The following NHSL1 variants were observed in gnomAD, a reference collection of about 807,000 sequenced individuals.
NHSL1 encodes the protein NHS like 1.
In NHSL1, 48 loss-of-function variants were observed where a neutral mutation model predicts 95.0. The ratio of observed to expected loss-of-function variants is 0.51; its 90% CI spans 0.40 to 0.64. The LOEUF is 0.64. Among genes scored for constraint, NHSL1 ranks in the 30% least tolerant of loss-of-function variants. The pLI is 0.00. For synonymous variants in NHSL1, 783 were observed against 833.9 expected (o/e 0.94, Z 1.05); for missense variants, 1,971 against 2,077.7 (o/e 0.95, Z 1.00).
chr6:138,574,463 C>A (rs1783931892), upstream of NHSL1, among the ~76,000 whole-genome samples: 1 of 152,088 alleles, frequency 6.6e-6, no homozygotes, highest in Non-Finnish European at 1.5e-5. Flanking sequence ...CTCAAAGGAG[C>A]CATGGAACCC....
chr6:138,568,733 G>A (rs978990843), intron 1 of NHSL1, among the ~76,000 whole-genome samples: 3 of 152,050 alleles, frequency 2.0e-5, no homozygotes, highest in African/African-American at 7.2e-5. Flanking sequence ...TTTAAGCTGA[G>A]GAACAGTAGT....
intron 1 of NHSL1, among the ~76,000 whole-genome samples, chr6:138,660,822 G>A (rs916755171): frequency 1.4e-4 from 21 of 151,612 alleles, no homozygotes; most frequent in African/African-American, 4.6e-4. Context: ...GGCTGGGCAC[G>A]ATGGCTCATG....
chr6:138,566,293 G>T (rs571989056), intron 1 of NHSL1, among the ~76,000 whole-genome samples: 3 of 152,128 alleles, frequency 2.0e-5, no homozygotes, highest in Admixed American at 2.0e-4. Context: ...AGCTACCCAG[G>T]AGGCTGAGGC....
upstream of NHSL1, among the ~76,000 whole-genome samples, chr6:138,574,073 G>A (rs567876355): frequency 3.9e-5 from 6 of 152,082 alleles, no homozygotes; most frequent in South Asian, 1.2e-3. Flanking sequence ...GACCACAGGC[G>A]CCTGCCACCA....
upstream of NHSL1, among the ~76,000 whole-genome samples, chr6:138,577,043 T>C (rs1562380777): frequency 6.6e-6 from 1 of 152,194 alleles, no homozygotes; most frequent in African/African-American, 2.4e-5. Context: ...GCCCATGAAT[T>C]TGGAAAGATT....
rs1322434390 is a variant in NHSL1 at position 138,429,898 on chromosome 6, T to C, written c.3953-55A>G. ...GCACAAGTGACTGGAATTTCAGTCC[T>C]CAGCCAAGCTTCTAAATATGCTGCT... is the stretch of plus-strand genomic sequence containing the variant. On this transcript the variant is annotated intron_variant, in intron 6 of 7. Transcript: ENST00000343505. 3 of 1,505,048 alleles carry C rather than the reference T, an allele frequency of 2.0e-6. No individual in the cohort carries two copies. The African/African-American group carries it at 4.2e-5, about 21-fold the overall frequency. The allele number at this position is 1,505,048 out of a possible 1,614,324, so 93.2% of individuals were successfully genotyped here. A position where few individuals can be genotyped will look rare whatever the true frequency, so the allele number is the denominator to read the frequency against.
At chr6:138,657,101 C>T (rs954930590) in intron 1 of NHSL1, among the ~76,000 whole-genome samples, 2 of 152,054 alleles carry the variant, frequency 1.3e-5, no homozygotes, top group Admixed American at 6.5e-5. Context: ...GGAATGCTTT[C>T]ACCTGCAACA....
chr6:138,553,300 A>T (rs553745894), intron 1 of NHSL1, among the ~76,000 whole-genome samples: 1 of 152,284 alleles, frequency 6.6e-6, no homozygotes, highest in East Asian at 1.9e-4. Flanking sequence ...TCTGGAATGC[A>T]GCCCTTACCC....
At chr6:138,484,449 A>G (rs767365006) in intron 2 of NHSL1, among the ~76,000 whole-genome samples, 1 of 152,222 alleles carries the variant, frequency 6.6e-6, no homozygotes, top group Admixed American at 6.5e-5. Context: ...TACAATTTAC[A>G]TTGTATATTT....
At position 138,430,388 on chromosome 6, in the gene NHSL1, C is replaced by G; in HGVS notation, c.3952+5G>C. 6.9e-7 allele frequency: 1 copy of G among 1,453,820 alleles called. No individual in the cohort carries two copies. The highest frequency in any genetic ancestry group is 1.5e-5 in the South Asian group (1 of 66,606). 90.1% of individuals were successfully genotyped at this position (1,453,820 alleles called of 1,614,324 possible). A position where few individuals can be genotyped will look rare whatever the true frequency, so the allele number is the denominator to read the frequency against. The stretch of plus-strand genomic sequence containing the variant: ...AGGAGAGAGAAGCCAGGAAGCCAGA[C>G]TCACCTGCTCCGTCCTGTTGAGATA... On this transcript the variant is annotated splice_donor_5th_base_variant and intron_variant, in intron 6 of 7. Transcript: ENST00000343505. This position sits in a 1 kb window ranked among gnomAD's most constrained non-coding sequence, Gnocchi z 4.7.
upstream of NHSL1, among the ~76,000 whole-genome samples, chr6:138,502,656 T>C (rs1317499347): frequency 6.6e-6 from 1 of 152,100 alleles, no homozygotes; most frequent in Non-Finnish European, 1.5e-5. Flanking sequence ...CATGAAAAAC[T>C]TGACACTAAT....
At chr6:138,538,603 G>A (rs1281429246) in intron 1 of NHSL1, among the ~76,000 whole-genome samples, 2 of 152,090 alleles carry the variant, frequency 1.3e-5, no homozygotes, top group Admixed American at 6.5e-5. Flanking sequence ...GAGCAGAGGC[G>A]TCTGTCCCAA....
intron 5 of NHSL1, among the ~76,000 whole-genome samples, chr6:138,437,459 A>AAAAT: frequency 7.1e-6 from 1 of 141,814 alleles, no homozygotes; most frequent in Non-Finnish European, 1.5e-5. Flanking sequence ...AAAAAAAAAA[A>AAAAT]AAAATACAAT....
At chr6:138,487,826 C>G (rs550483085) in intron 2 of NHSL1, among the ~76,000 whole-genome samples, 2 of 152,100 alleles carry the variant, frequency 1.3e-5, no homozygotes, top group Non-Finnish European at 2.9e-5. Context: ...TGCGGTTTTG[C>G]GAAATATGAG....
At position 138,424,934 on chromosome 6, in the gene NHSL1, A is replaced by C. The variant is rs1462418688; in HGVS notation, c.4086-118T>G. On this transcript the variant is annotated intron_variant, in intron 7 of 7. Coordinates refer to ENST00000343505, the MANE Select transcript of NHSL1 (RefSeq NM_001144060.2). The surrounding 1 kb of genome is among the most constrained non-coding windows in gnomAD (Gnocchi z 5.9). The stretch of plus-strand genomic sequence containing the variant: ...ACCATCTACTTAAGATTCACTTTCA[A>C]AAAATTTATTTTTGACTGGGCACAG... The C allele has an allele frequency of 1.1e-5, 10 of 891,508 alleles. No homozygotes were observed. Among genetic ancestry groups the C allele is most frequent in the Non-Finnish European group, 1.5e-5 (9 of 601,706 alleles). 55.2% of individuals were successfully genotyped at this position (891,508 alleles called of 1,614,324 possible).
intron 3 of NHSL1, among the ~76,000 whole-genome samples, chr6:138,452,897 C>T (rs1404737235): frequency 6.6e-6 from 1 of 152,032 alleles, no homozygotes; most frequent in East Asian, 1.9e-4. Context: ...AAGCACAGTT[C>T]ATGGTTCATC....
chr6:138,432,704 G>A lies in NHSL1; in HGVS notation c.1641C>T (p.His547=), dbSNP rs1350612155. The A allele has an allele frequency of 6.4e-7, 1 of 1,551,654 alleles. No individual in the cohort carries two copies. Among genetic ancestry groups the A allele is most frequent in the Admixed American group, 2.0e-5 (1 of 51,000 alleles). The change falls in exon 6 of 8, where the codon CAC becomes CAT. Residue 547 remains histidine (H), a synonymous_variant. Coordinates refer to ENST00000343505, the MANE Select transcript of NHSL1 (RefSeq NM_001144060.2). This position sits in a 1 kb window ranked among gnomAD's most constrained non-coding sequence, Gnocchi z 4.4. ...TGTATTCCCAGGGCTCCGAGCTGCT[G>A]TGCCCTCCGCCCCCTGAATAACTAG... The part of the protein sequence containing the change: ...SESSYSGGGG[H]SSSEPWEYKS...
chr6:138,503,102 A>T (rs1421990853), upstream of NHSL1, among the ~76,000 whole-genome samples: 4 of 152,194 alleles, frequency 2.6e-5, no homozygotes, highest in African/African-American at 7.2e-5. Flanking sequence ...TTCAATTTTT[A>T]AAAAATTCTC....
At chr6:138,510,819 C>T (rs1562338616) in intron 1 of NHSL1, among the ~76,000 whole-genome samples, 1 of 152,166 alleles carries the variant, frequency 6.6e-6, no homozygotes, top group Non-Finnish European at 1.5e-5. Context: ...AGAACAAAAA[C>T]ATCAATCATT....
Sources: gnomAD v4.1 joint callset for allele counts (sites outside exome capture counted in the v4.1 genomes callset) on GRCh38, gnomAD v4.1.1 for gene constraint, Gnocchi (gnomAD v3.1) non-coding constraint, MANE v1.5 for transcripts, NCBI Gene and HGNC (gene_info 2026-07-23, HGNC 2026-07-21) for gene names.